OR3A2: variants seen among roughly 807,000 people sequenced by gnomAD.
The protein encoded by OR3A2 is olfactory receptor 3A2.
For missense variants in OR3A2, 318 were observed against 392.8 expected, an observed-to-expected ratio of 0.81 and a Z score of 1.61; for synonymous variants, 126 against 159.3, an observed-to-expected ratio of 0.79 and a Z score of 1.57.
At chr17:3,370,536 TTTG>T (rs1597362010) in intron 2 of OR3A2, among the ~76,000 whole-genome samples, 1 of 152,258 alleles carries the variant, frequency 6.6e-6, no homozygotes, top group Admixed American at 6.5e-5. Context: ...TGCTCTGATC[TTTG>T]TTATTTCTTT....
chr17:3,355,129 T>C (rs1236537853), intron 2 of OR3A2, among the ~76,000 whole-genome samples: 1 of 151,546 alleles, frequency 6.6e-6, no homozygotes, highest in African/African-American at 2.4e-5. Flanking sequence ...TTATTATTGA[T>C]TTCTACTTTT....
At chr17:3,346,227 G>A (rs1269611563) in intron 2 of OR3A2, among the ~76,000 whole-genome samples, 3 of 152,032 alleles carry the variant, frequency 2.0e-5, no homozygotes, top group East Asian at 3.9e-4. Flanking sequence ...CATTCTGTGT[G>A]GTATATATAC....
intron 2 of OR3A2, among the ~76,000 whole-genome samples, chr17:3,340,008 T>C (rs932903792): frequency 1.3e-5 from 2 of 152,212 alleles, no homozygotes; most frequent in African/African-American, 2.4e-5. Flanking sequence ...TGGGAAGGTG[T>C]ATGTGTCCAG....
At chr17:3,341,781 T>C (rs2049321084) in intron 2 of OR3A2, among the ~76,000 whole-genome samples, 1 of 152,220 alleles carries the variant, frequency 6.6e-6, no homozygotes, top group African/African-American at 2.4e-5. Flanking sequence ...TGTGGTGTTC[T>C]CTGTATTTCC....
chr17:3,291,803 A>G, intron 3 of OR3A2: 1 of 1,613,828 alleles, frequency 6.2e-7, no homozygotes, highest in Non-Finnish European at 8.5e-7. Context: ...GCATATAGTT[A>G]AAGATACCTG....
chr17:3,360,102 T>C (rs1476060944), intron 2 of OR3A2, among the ~76,000 whole-genome samples: 1 of 151,870 alleles, frequency 6.6e-6, no homozygotes, highest in Admixed American at 6.6e-5. Context: ...GACTTTTTAA[T>C]GATTGCCATT....
chr17:3,277,556 A>G (rs935988714), exon 2 of OR3A2: 16 of 170,842 alleles, frequency 9.4e-5, no homozygotes, highest in Admixed American at 7.0e-4. Context: ...AACTCTATCC[A>G]GAAAGTAGGC....
At chr17:3,296,684 A>G (rs1276175545) in intron 3 of OR3A2, among the ~76,000 whole-genome samples, 1 of 152,222 alleles carries the variant, frequency 6.6e-6, no homozygotes, top group African/African-American at 2.4e-5. Context: ...AAAATTGGAC[A>G]TAATTGGTAA....
chr17:3,340,943 G>A lies in OR3A2; in HGVS notation c.-178-4817C>T, dbSNP rs575074096. Among the ~76,000 whole-genome samples, 13 of 152,224 alleles carry A rather than the reference G, an allele frequency of 8.5e-5. No individual in the cohort carries two copies. The East Asian group carries it at 2.5e-3, about 29-fold the overall frequency. ...CTCAGGACTTGCTTTATGAATCTGGGTGCTCCTGTATTGGGTGCATATATA... is the reference window on the plus strand; with the variant it reads ...CTCAGGACTTGCTTTATGAATCTGGATGCTCCTGTATTGGGTGCATATATA... On this transcript the variant is annotated intron_variant, in intron 2 of 4. Coordinates refer to the OR3A2 transcript ENST00000573491.
At chr17:3,385,955 C>A in intron 1 of OR3A2, 170 bp downstream of exon 1, 1 of 398,000 alleles carries the variant, frequency 2.5e-6, no homozygotes, top group African/African-American at 2.1e-5. Context: ...CTCACATCTG[C>A]CCCCGTGTTC....
At chr17:3,292,628 C>T (rs2048886719) in intron 3 of OR3A2, 1 of 1,458,456 alleles carries the variant, frequency 6.9e-7, no homozygotes, top group Non-Finnish European at 9.3e-7. Flanking sequence ...ATCACTCCTC[C>T]CAATAATTTA....
chr17:3,308,085 T>C (rs1308487860), intron 3 of OR3A2, among the ~76,000 whole-genome samples: 2 of 152,220 alleles, frequency 1.3e-5, no homozygotes, highest in Admixed American at 6.5e-5. Flanking sequence ...GAATGAATTT[T>C]GCCATATTGA....
chr17:3,347,986 T>C (rs1894393045), intron 2 of OR3A2, among the ~76,000 whole-genome samples: 2 of 152,258 alleles, frequency 1.3e-5, no homozygotes, highest in East Asian at 1.9e-4. Context: ...TGCATTTCTC[T>C]GATGGCCAGT....
chr17:3,309,912 C>T (rs2049027563), intron 3 of OR3A2: 2 of 186,670 alleles, frequency 1.1e-5, no homozygotes, highest in Admixed American at 1.1e-4. Context: ...CCGAAGCTTC[C>T]CTTTCATCCT....
At chr17:3,371,523 A>C in intron 2 of OR3A2, among the ~76,000 whole-genome samples, 1 of 110,096 alleles carries the variant, frequency 9.1e-6, no homozygotes, top group African/African-American at 3.6e-5. Flanking sequence ...CGGGGGGCTG[A>C]CCCCACCACC....
chr17:3,372,259 A>C (rs1224723698), intron 2 of OR3A2, among the ~76,000 whole-genome samples: 1 of 146,462 alleles, frequency 6.8e-6, no homozygotes, highest in Non-Finnish European at 1.5e-5. Context: ...CACTTCCTAG[A>C]TGGGATGGCG....
At chr17:3,323,458 G>A (rs868562125) in intron 3 of OR3A2, among the ~76,000 whole-genome samples, 1 of 151,992 alleles carries the variant, frequency 6.6e-6, no homozygotes. Context: ...AACCTCGATG[G>A]TCTTTATAAT....
chr17:3,349,294 G>A (rs1033752990), intron 2 of OR3A2, among the ~76,000 whole-genome samples: 11 of 152,024 alleles, frequency 7.2e-5, no homozygotes, highest in East Asian at 1.9e-4. Context: ...CCCATCTCAC[G>A]GGCAGAGACA....
chr17:3,310,472 G>A, intron 3 of OR3A2: 1 of 535,636 alleles, frequency 1.9e-6, no homozygotes, highest in South Asian at 1.4e-5. Flanking sequence ...CCATCCTTAT[G>A]GAAACCAAAC....
Sources: gnomAD v4.1 joint callset for allele counts (sites outside exome capture counted in the v4.1 genomes callset) on GRCh38, gnomAD v4.1.1 for gene constraint, MANE v1.5 for transcripts, NCBI Gene and HGNC (gene_info 2026-07-23, HGNC 2026-07-21) for gene names.